The following EPHA6 variants were observed in gnomAD, a reference collection of about 807,000 sequenced individuals.
EPHA6 encodes the protein EPH receptor A6.
Under a neutral mutation model 112.0 loss-of-function variants are expected in EPHA6, and 50 were observed. That is an observed-to-expected ratio of 0.45 (90% CI 0.36 to 0.56). The LOEUF (loss-of-function observed/expected upper bound fraction) is 0.56, where lower values mean the gene tolerates loss of function less well. EPHA6 is among the 20% of genes least tolerant of loss of function. EPHA6 has a pLI of 0.00. For synonymous variants in EPHA6, 529 were observed against 490.7 expected, an observed-to-expected ratio of 1.08 and a Z score of -1.03; for missense variants, 1,280 against 1,417.4, an observed-to-expected ratio of 0.90 and a Z score of 1.56.
At chr3:97,058,673 C>A (rs2045927779) in intron 3 of EPHA6, among the ~76,000 whole-genome samples, 1 of 152,128 alleles carries the variant, frequency 6.6e-6, no homozygotes, top group Non-Finnish European at 1.5e-5. Flanking sequence ...ATTTTAATTA[C>A]TCAGGAGCTT....
chr3:97,725,743 A>G (rs1359664575), intron 15 of EPHA6, among the ~76,000 whole-genome samples: 1 of 152,096 alleles, frequency 6.6e-6, no homozygotes, highest in African/African-American at 2.4e-5. Context: ...ACTAAGAAGC[A>G]GATGCCAGTA....
intron 7 of EPHA6, among the ~76,000 whole-genome samples, chr3:97,455,377 A>G (rs2090649118): frequency 2.0e-5 from 3 of 152,084 alleles, no homozygotes; most frequent in Non-Finnish European, 4.4e-5. Context: ...AATGAAGTAT[A>G]GTAACTTAAC....
rs1285959889 is a variant in EPHA6 at position 97,758,606 on chromosome 3, G to C, written c.*9905G>C. On this transcript the variant is annotated 3_prime_UTR_variant, in exon 18 of 18. Transcript: ENST00000389672. Reference sequence around the variant, plus strand: ...ATGGAATTGACCTTCTAGTGATAAAGACACACAATGAAGAAATAGTGATGT... The same window carrying C: ...ATGGAATTGACCTTCTAGTGATAAACACACACAATGAAGAAATAGTGATGT... 2.0e-5 allele frequency among the ~76,000 whole-genome samples: 3 copies of C among 151,842 alleles called. No homozygotes were observed. The highest frequency in any genetic ancestry group is 1.5e-5 in the Non-Finnish European group (1 of 67,870).
intron 5 of EPHA6, among the ~76,000 whole-genome samples, chr3:97,394,452 G>A (rs1432737909): frequency 1.3e-5 from 2 of 151,744 alleles, no homozygotes; most frequent in African/African-American, 4.8e-5. Flanking sequence ...GCTCTGCACA[G>A]CAAAGGAAAT....
At chr3:97,529,998 T>A (rs2092677492) in intron 10 of EPHA6, among the ~76,000 whole-genome samples, 1 of 152,052 alleles carries the variant, frequency 6.6e-6, no homozygotes. Flanking sequence ...CAGAAAAAAA[T>A]CATATGGATT....
intron 2 of EPHA6, among the ~76,000 whole-genome samples, chr3:96,916,959 A>G (rs115862449): frequency 6.6e-6 from 1 of 152,278 alleles, no homozygotes; most frequent in Non-Finnish European, 1.5e-5. Context: ...AAGATTTACT[A>G]TTTGTGAATC....
chr3:97,485,007 G>T (rs2091663324), intron 10 of EPHA6, among the ~76,000 whole-genome samples: 1 of 152,218 alleles, frequency 6.6e-6, no homozygotes, highest in South Asian at 2.1e-4. Flanking sequence ...CAGCTGCCAT[G>T]CATGCAGCTA....
chr3:97,477,490 A>C (rs2107469577), intron 8 of EPHA6, among the ~76,000 whole-genome samples: 1 of 150,862 alleles, frequency 6.6e-6, no homozygotes, highest in Non-Finnish European at 1.5e-5. Flanking sequence ...GAAGGGAGGG[A>C]GGAAAGGAAG....
intron 1 of EPHA6, among the ~76,000 whole-genome samples, chr3:96,835,502 G>T (rs1430099750): frequency 6.6e-6 from 1 of 152,096 alleles, no homozygotes. Context: ...TTCATATGGG[G>T]CAGGGTGAGA....
chr3:97,690,687 C>T (rs533801222), intron 14 of EPHA6, among the ~76,000 whole-genome samples: 10 of 152,192 alleles, frequency 6.6e-5, no homozygotes, highest in South Asian at 2.1e-4. Context: ...AGGCCGGTCT[C>T]GAACTCCTGA....
At chr3:96,929,636 T>A (rs1475068368) in intron 2 of EPHA6, among the ~76,000 whole-genome samples, 1 of 152,224 alleles carries the variant, frequency 6.6e-6, no homozygotes, top group Non-Finnish European at 1.5e-5. Context: ...ACCTGGCCTT[T>A]CTTTCTGGCT....
At chr3:97,729,592 G>A (rs141634607) in intron 15 of EPHA6, among the ~76,000 whole-genome samples, 40 of 152,132 alleles carry the variant, frequency 2.6e-4, no homozygotes, top group East Asian at 1.7e-3. Context: ...GGGGATTGTC[G>A]GAGCTACAGT....
intron 11 of EPHA6, among the ~76,000 whole-genome samples, chr3:97,559,353 A>C (rs2093157250): frequency 6.6e-6 from 1 of 152,024 alleles, no homozygotes; most frequent in Non-Finnish European, 1.5e-5. Context: ...ATTTTGGTGA[A>C]TATGTGCAAA....
intron 3 of EPHA6, among the ~76,000 whole-genome samples, chr3:97,206,115 GC>G (rs1349020096): frequency 6.6e-6 from 1 of 151,752 alleles, no homozygotes; most frequent in Non-Finnish European, 1.5e-5. Flanking sequence ...CTTGTTTTTT[GC>G]CCTCAGTCTA....
intron 9 of EPHA6, among the ~76,000 whole-genome samples, chr3:97,480,362 A>G (rs1429427449): frequency 6.6e-6 from 1 of 152,068 alleles, no homozygotes; most frequent in Admixed American, 6.5e-5. Flanking sequence ...TGGTTTTCCT[A>G]GGCAGAGGAC....
chr3:97,093,168 A>C (rs1258493921), intron 3 of EPHA6, among the ~76,000 whole-genome samples: 1 of 152,182 alleles, frequency 6.6e-6, no homozygotes, highest in Non-Finnish European at 1.5e-5. Context: ...CTGTAAGTCT[A>C]TAACTTTTGG....
At chr3:97,630,248 G>T (rs1370780667) in intron 13 of EPHA6, among the ~76,000 whole-genome samples, 4 of 151,762 alleles carry the variant, frequency 2.6e-5, no homozygotes, top group African/African-American at 9.7e-5. Context: ...AGTTCAAAAT[G>T]TATGATGACT....
At chr3:97,672,383 A>G (rs1256627112) in intron 14 of EPHA6, among the ~76,000 whole-genome samples, 2 of 152,070 alleles carry the variant, frequency 1.3e-5, no homozygotes, top group Non-Finnish European at 2.9e-5. Flanking sequence ...CCAAACTATT[A>G]TTAGTTCTGA....
At chr3:97,482,642 T>C (rs913295884) in intron 9 of EPHA6, among the ~76,000 whole-genome samples, 1 of 152,152 alleles carries the variant, frequency 6.6e-6, no homozygotes, top group African/African-American at 2.4e-5. Flanking sequence ...GCTGCTAATA[T>C]TGGGCATTTC....
Sources: gnomAD v4.1 joint callset for allele counts (sites outside exome capture counted in the v4.1 genomes callset) on GRCh38, gnomAD v4.1.1 for gene constraint, MANE v1.5 for transcripts, NCBI Gene and HGNC (gene_info 2026-07-23, HGNC 2026-07-21) for gene names.